Variants in IL1RAPL2 observed in about 807,000 individuals in gnomAD.
IL1RAPL2 encodes the protein interleukin 1 receptor accessory protein like 2, also known as X-linked interleukin-1 receptor accessory protein-like 2.
Under a neutral mutation model 44.1 loss-of-function variants are expected in IL1RAPL2, and 3 were observed. The observed-to-expected ratio is 0.07, with a 90% CI of 0.03 to 0.18. The LOEUF is 0.18. Ranked by LOEUF, IL1RAPL2 falls within the 10% of genes least tolerant of loss-of-function variation. The pLI, the probability that IL1RAPL2 is intolerant of heterozygous loss-of-function variation, is 1.00. For synonymous variants in IL1RAPL2, 181 were observed against 178.8 expected (o/e 1.01, Z -0.10); for missense variants, 391 against 496.4 (o/e 0.79, Z 2.02).
At chrX:104,982,793 C>T (rs1464626158) in intron 2 of IL1RAPL2, among the ~76,000 whole-genome samples, 1 of 110,996 alleles carries the variant, frequency 9.0e-6, no homozygotes, top group African/African-American at 3.3e-5. Context: ...TGTAATATAC[C>T]TATGTGATGT....
intron 2 of IL1RAPL2, among the ~76,000 whole-genome samples, chrX:104,792,228 A>G (rs2147608471): frequency 9.0e-6 from 1 of 111,386 alleles, no homozygotes; most frequent in East Asian, 2.9e-4. Context: ...CTCTAGTAAG[A>G]TGATTCAAGT....
Position 105,105,942 on chromosome X carries a change from C to T in IL1RAPL2, c.83-89533C>T, listed in dbSNP as rs570925908. Among the ~76,000 whole-genome samples the T allele has an allele frequency of 1.4e-4, 16 of 111,085 alleles. No homozygotes were observed. In the South Asian group the frequency reaches 5.3e-3, roughly 37 times the overall value. On this transcript the variant is annotated intron_variant, in intron 2 of 10. Coordinates refer to ENST00000372582, the MANE Select transcript of IL1RAPL2 (RefSeq NM_017416.2). Reference sequence around the variant, plus strand: ...GTAGTCCGCCAAATAAGTTCCTGGACGATTTGTGGAAGAGAAGTAGCCCAA... The same window carrying T: ...GTAGTCCGCCAAATAAGTTCCTGGATGATTTGTGGAAGAGAAGTAGCCCAA...
chrX:105,741,201 A>G (rs1159676843), intron 8 of IL1RAPL2, among the ~76,000 whole-genome samples: 4 of 111,870 alleles, frequency 3.6e-5, no homozygotes, highest in African/African-American at 1.3e-4. Flanking sequence ...TCAGGTGCAT[A>G]TATTTCTAAA....
intron 5 of IL1RAPL2, among the ~76,000 whole-genome samples, chrX:105,318,519 A>G (rs2034870505): frequency 9.0e-6 from 1 of 111,615 alleles, no homozygotes; most frequent in Non-Finnish European, 1.9e-5. Flanking sequence ...AAGTAGATCA[A>G]TTAAAGTTGG....
At chrX:105,290,781 T>C (rs1033488725) in intron 5 of IL1RAPL2, among the ~76,000 whole-genome samples, 30 of 111,917 alleles carry the variant, frequency 2.7e-4, no homozygotes, top group African/African-American at 9.4e-4. Flanking sequence ...TCCTCAAATT[T>C]GTTTTGAGTT....
intron 2 of IL1RAPL2, among the ~76,000 whole-genome samples, chrX:104,833,969 T>G (rs1235375322): frequency 8.9e-6 from 1 of 111,910 alleles, no homozygotes; most frequent in Non-Finnish European, 1.9e-5. Context: ...CCATTTGGTT[T>G]TCTTTATTCA....
chrX:105,604,335 C>T (rs943522675), intron 6 of IL1RAPL2, among the ~76,000 whole-genome samples: 15 of 110,724 alleles, frequency 1.4e-4, no homozygotes, highest in Admixed American at 6.7e-4. Flanking sequence ...TTATACCACA[C>T]AAATGCAAAA....
chrX:105,196,858 C>T (rs1213682153), intron 3 of IL1RAPL2, among the ~76,000 whole-genome samples: 1 of 111,007 alleles, frequency 9.0e-6, no homozygotes, highest in Non-Finnish European at 1.9e-5. Context: ...TTTGGTCTTG[C>T]TCACCAGGGA....
At chrX:104,888,941 A>G (rs1427637987) in intron 2 of IL1RAPL2, among the ~76,000 whole-genome samples, 2 of 111,438 alleles carry the variant, frequency 1.8e-5, no homozygotes, top group Non-Finnish European at 3.8e-5. Context: ...CACTGTAACT[A>G]TGAATACCAT....
chrX:104,908,850 T>C (rs1177798409), intron 2 of IL1RAPL2, among the ~76,000 whole-genome samples: 7 of 111,006 alleles, frequency 6.3e-5, no homozygotes, highest in African/African-American at 2.3e-4. Flanking sequence ...AATGTTGGCC[T>C]GCCTTGCTAG....
rs189905176 is a variant in IL1RAPL2 at position 105,674,797 on chromosome X, G to A, written c.773-42570G>A. ...TTGGTTCTTCCTATCCATGAGCATG[G>A]AATATTTTTTCATTTGTTTGTGTCC... On this transcript the variant is annotated intron_variant, in intron 6 of 10. Transcript: ENST00000372582. Among the ~76,000 whole-genome samples, 190 of 111,902 alleles carry A rather than the reference G, an allele frequency of 1.7e-3. No homozygotes were observed. In the South Asian group the frequency reaches 0.017, roughly 10 times the overall value.
At chrX:104,745,350 T>G (rs1932158302) in intron 2 of IL1RAPL2, among the ~76,000 whole-genome samples, 2 of 112,380 alleles carry the variant, frequency 1.8e-5, no homozygotes, top group Admixed American at 9.4e-5. Context: ...AGGGAGCCCC[T>G]GCTGAATTGT....
chrX:105,051,071 G>T (rs1471938629), intron 2 of IL1RAPL2, among the ~76,000 whole-genome samples: 1 of 112,653 alleles, frequency 8.9e-6, no homozygotes, highest in Non-Finnish European at 1.9e-5. Context: ...ATTCCAGTGG[G>T]TCTGCAGGAC....
chrX:105,302,217 T>C (rs150233067), intron 5 of IL1RAPL2, among the ~76,000 whole-genome samples: 1,646 of 112,047 alleles, frequency 0.015, 34 homozygotes, highest in African/African-American at 0.05. Context: ...GATTATTAGG[T>C]TTTTTTCTAT....
chrX:105,498,058 G>A (rs185773090), intron 6 of IL1RAPL2, among the ~76,000 whole-genome samples: 2 of 111,443 alleles, frequency 1.8e-5, no homozygotes, highest in African/African-American at 6.5e-5. Context: ...TTGCCAGAGC[G>A]ATCAGGCAAG....
intron 2 of IL1RAPL2, among the ~76,000 whole-genome samples, chrX:104,695,954 C>CGGG (rs1931175271): frequency 1.8e-5 from 2 of 110,887 alleles, no homozygotes; most frequent in Non-Finnish European, 1.9e-5. Flanking sequence ...ATTACAGGCG[C>CGGG]CCGCCACCAC....
At position 104,867,220 on chromosome X, in the gene IL1RAPL2, G is replaced by A. The variant is rs1052559981; in HGVS notation, c.82+208225G>A. On this transcript the variant is annotated intron_variant, in intron 2 of 10. Coordinates refer to ENST00000372582, the MANE Select transcript of IL1RAPL2 (RefSeq NM_017416.2). ...CCACTGCAGTCTGGCCTGGGCAAAA[G>A]AGCAAGTCTCTGTCTCAAAAAAAAA... is the stretch of plus-strand genomic sequence containing the variant. Among the ~76,000 whole-genome samples, 17 of 71,576 alleles carry A rather than the reference G, an allele frequency of 2.4e-4. No individual in the cohort carries two copies. In the East Asian group the frequency reaches 2.8e-3, roughly 12 times the overall value. 62.2% of individuals were successfully genotyped at this position (71,576 alleles called of 115,157 possible).
rs781408616 is a variant in IL1RAPL2 at position 105,382,982 on chromosome X, G to C, written c.698-101331G>C. Among the ~76,000 whole-genome samples the C allele has an allele frequency of 9.1e-5, 6 of 66,283 alleles. No homozygotes were observed. The South Asian group carries it at 6.3e-3, about 70-fold the overall frequency. The allele number at this position is 66,283 out of a possible 115,157, so 57.6% of individuals were successfully genotyped here. A position where few individuals can be genotyped will look rare whatever the true frequency, so the allele number is the denominator to read the frequency against. On this transcript the variant is annotated intron_variant, in intron 5 of 10. Coordinates refer to ENST00000372582, the MANE Select transcript of IL1RAPL2 (RefSeq NM_017416.2). ...TGGGGCCTGTTGTGGGGTGGGGGGA[G>C]GGGGGAGGGATAGCATTTGAAGATA...
At chrX:105,429,608 A>G (rs1270240764) in intron 5 of IL1RAPL2, among the ~76,000 whole-genome samples, 1 of 111,873 alleles carries the variant, frequency 8.9e-6, no homozygotes, top group African/African-American at 3.2e-5. Flanking sequence ...TTTGGCAAAC[A>G]ATGCTCTAGT....
Sources: allele counts gnomAD v4.1 joint callset (sites outside exome capture counted in the v4.1 genomes callset), GRCh38; gene constraint gnomAD v4.1.1; transcripts MANE v1.5; gene names NCBI Gene and HGNC (gene_info 2026-07-23, HGNC 2026-07-21).